RABGAP1L: variants seen among roughly 807,000 people sequenced by gnomAD.
The protein encoded by RABGAP1L is RAB GTPase activating protein 1 like, also known as rab GTPase-activating protein 1-like.
RABGAP1L carries 63 observed loss-of-function variants against 137.7 expected under a neutral mutation model. The ratio of observed to expected loss-of-function variants is 0.46; its 90% CI spans 0.37 to 0.56. RABGAP1L has a LOEUF of 0.56. Ranked by LOEUF, RABGAP1L falls within the 20% of genes least tolerant of loss-of-function variation. The probability of loss-of-function intolerance (pLI) is 0.00; values close to 1 mark genes in which losing one functional copy is unlikely to be tolerated. For synonymous variants in RABGAP1L, 431 were observed against 433.7 expected (o/e 0.99, Z 0.08); for missense variants, 1,095 against 1,244.0 (o/e 0.88, Z 1.80).
At chr1:174,613,003 A>T (rs1309373040) in intron 13 of RABGAP1L, among the ~76,000 whole-genome samples, 1 of 151,396 alleles carries the variant, frequency 6.6e-6, no homozygotes, top group East Asian at 1.9e-4. Context: ...CTTTCAAAAA[A>T]CCAGGTCCTA....
intron 13 of RABGAP1L, among the ~76,000 whole-genome samples, chr1:174,423,196 C>T (rs570353196): frequency 2.5e-4 from 38 of 152,036 alleles, no homozygotes; most frequent in Non-Finnish European, 5.1e-4. Flanking sequence ...AAGCTGTCAC[C>T]CAAATCTCTA....
chr1:174,353,132 G>T (rs1018270395), intron 11 of RABGAP1L, among the ~76,000 whole-genome samples: 1 of 152,160 alleles, frequency 6.6e-6, no homozygotes, highest in African/African-American at 2.4e-5. Context: ...AGCAGGTGAT[G>T]AATCCTACCA....
chr1:174,637,601 T>C, intron 14 of RABGAP1L, 113 bp downstream of exon 14: 1 of 771,416 alleles, frequency 1.3e-6, no homozygotes. Flanking sequence ...ATGCCATGTT[T>C]TCTGCTTTGC....
At chr1:174,316,342 G>A (rs1189574637) in intron 11 of RABGAP1L, among the ~76,000 whole-genome samples, 1 of 152,112 alleles carries the variant, frequency 6.6e-6, no homozygotes, top group Non-Finnish European at 1.5e-5. Flanking sequence ...GGTATTTACT[G>A]TAGTTTTCAC....
chr1:174,178,194 A>G (rs1571390622), intron 1 of RABGAP1L, among the ~76,000 whole-genome samples: 1 of 152,096 alleles, frequency 6.6e-6, no homozygotes, highest in African/African-American at 2.4e-5. Context: ...GAGGTCCTTC[A>G]TGTCCCTTAT....
chr1:174,842,325 C>T (rs1318960149), intron 19 of RABGAP1L, among the ~76,000 whole-genome samples: 1 of 152,168 alleles, frequency 6.6e-6, no homozygotes, highest in Non-Finnish European at 1.5e-5. Context: ...ACCCACAGTA[C>T]ACACATTTTC....
At chr1:174,941,900 G>A in intron 19 of RABGAP1L, among the ~76,000 whole-genome samples, 1 of 152,246 alleles carries the variant, frequency 6.6e-6, no homozygotes, top group Middle Eastern at 3.4e-3. Context: ...AAAATTTATT[G>A]TAAGTTTCTT....
intron 19 of RABGAP1L, among the ~76,000 whole-genome samples, chr1:174,882,704 C>T (rs774301982): frequency 7.3e-4 from 111 of 152,274 alleles, no homozygotes; most frequent in African/African-American, 2.5e-3. Flanking sequence ...AATAAGGAAG[C>T]CAAGCATAAC....
intron 17 of RABGAP1L, among the ~76,000 whole-genome samples, chr1:174,723,118 A>G (rs925726622): frequency 5.3e-5 from 8 of 152,292 alleles, no homozygotes; most frequent in African/African-American, 1.7e-4. Flanking sequence ...CTTGTTGCCC[A>G]GGCTGGAGTG....
chr1:174,983,253 G>A (rs1160650457), intron 24 of RABGAP1L, among the ~76,000 whole-genome samples: 1 of 151,468 alleles, frequency 6.6e-6, no homozygotes, highest in Non-Finnish European at 1.5e-5. Context: ...CTTCAGTATG[G>A]GACTCAGTAG....
chr1:174,572,201 A>G (rs1420162625), intron 13 of RABGAP1L, among the ~76,000 whole-genome samples: 2 of 152,256 alleles, frequency 1.3e-5, no homozygotes, highest in South Asian at 2.1e-4. Flanking sequence ...TCCTTCTACC[A>G]TCTTGGAACT....
intron 20 of RABGAP1L, chr1:174,957,945 A>G (rs1217899644): frequency 6.4e-7 from 1 of 1,573,758 alleles, no homozygotes; most frequent in East Asian, 2.2e-5. Flanking sequence ...AATCTTCATA[A>G]GAAGCTGAGA....
At chr1:174,729,470 T>G (rs1332085939) in intron 17 of RABGAP1L, among the ~76,000 whole-genome samples, 2 of 151,868 alleles carry the variant, frequency 1.3e-5, no homozygotes, top group East Asian at 3.9e-4. Flanking sequence ...AACAAAAAAT[T>G]GACAAGTGGA....
chr1:174,484,105 G>T (rs559943242), intron 13 of RABGAP1L, among the ~76,000 whole-genome samples: 24 of 152,162 alleles, frequency 1.6e-4, no homozygotes, highest in Non-Finnish European at 3.1e-4. Flanking sequence ...ATTTTAACTG[G>T]GGTGAAAAGA....
chr1:174,164,173 G>C (rs1220668192), intron 1 of RABGAP1L, among the ~76,000 whole-genome samples: 2 of 150,764 alleles, frequency 1.3e-5, no homozygotes, highest in Non-Finnish European at 2.9e-5. Context: ...CAGGTATGTA[G>C]GGCTGAACAA....
Position 174,632,385 on chromosome 1 carries a change from C to G in RABGAP1L, c.1711-4990C>G, listed in dbSNP as rs1460480254. Among the ~76,000 whole-genome samples, 3 of 147,366 alleles carry G rather than the reference C, an allele frequency of 2.0e-5. No individual in the cohort carries two copies. The East Asian group carries it at 5.8e-4, about 29-fold the overall frequency. ...AATTATGTGTCTTGGAGTTGCTCTT[C>G]TCGAGGAGTATCTTTGTGGCATTCT... On this transcript the variant is annotated intron_variant, in intron 13 of 25. Coordinates refer to ENST00000681986, the MANE Select transcript of RABGAP1L (RefSeq NM_001366446.1).
At chr1:174,544,147 G>A (rs1035307211) in intron 13 of RABGAP1L, among the ~76,000 whole-genome samples, 3 of 152,168 alleles carry the variant, frequency 2.0e-5, no homozygotes, top group African/African-American at 7.2e-5. Context: ...GGCCTGCCTT[G>A]CTAGGTTGGG....
intron 13 of RABGAP1L, among the ~76,000 whole-genome samples, chr1:174,437,998 C>A (rs536479438): frequency 6.3e-4 from 96 of 152,144 alleles, no homozygotes; most frequent in African/African-American, 2.2e-3. Flanking sequence ...GAAATAAACT[C>A]CTTTACAGAC....
intron 15 of RABGAP1L, among the ~76,000 whole-genome samples, chr1:174,689,005 T>G (rs1205689162): frequency 1.3e-5 from 2 of 152,152 alleles, no homozygotes; most frequent in Non-Finnish European, 2.9e-5. Flanking sequence ...GAATCATGAC[T>G]GAAAAGAGAC....
Sources: gnomAD v4.1 joint callset for allele counts (sites outside exome capture counted in the v4.1 genomes callset) on GRCh38, gnomAD v4.1.1 for gene constraint, MANE v1.5 for transcripts, NCBI Gene and HGNC (gene_info 2026-07-23, HGNC 2026-07-21) for gene names.